Variants in KIAA0319L observed in about 807,000 individuals in gnomAD.
KIAA0319L encodes KIAA0319 like.
In KIAA0319L, 55 loss-of-function variants were observed where a neutral mutation model predicts 120.1. That is an observed-to-expected ratio of 0.46 (90% CI 0.37 to 0.57). The LOEUF (loss-of-function observed/expected upper bound fraction) is 0.57, where lower values mean the gene tolerates loss of function less well. KIAA0319L is among the 20% of genes least tolerant of loss of function. The pLI, the probability that KIAA0319L is intolerant of heterozygous loss-of-function variation, is 0.00. For missense variants in KIAA0319L, 1,049 were observed against 1,255.3 expected, an observed-to-expected ratio of 0.84 and a Z score of 2.48; for synonymous variants, 398 against 471.9, an observed-to-expected ratio of 0.84 and a Z score of 2.03.
chr1:35,466,690 A>G lies in KIAA0319L; in HGVS notation c.1119T>C (p.Thr373=). The G allele has an allele frequency of 1.9e-6, 3 of 1,606,964 alleles. No homozygotes were observed. Among genetic ancestry groups the G allele is most frequent in the East Asian group, 2.2e-5 (1 of 44,860 alleles). The stretch of plus-strand genomic sequence containing the variant: ...TCACTTTGAATTCATACAGGCCTGG[A>G]GTGAGCTGCAGAAGTGAGAGAAGAT... ...HSQILKLSKL[T]PGLYEFKVIV... The change falls in exon 7 of 21, where the codon ACT becomes ACC. Residue 373 remains threonine (T), a synonymous_variant. Transcript: ENST00000325722.
At chr1:35,473,958 A>T (rs1258984216) in intron 5 of KIAA0319L, among the ~76,000 whole-genome samples, 1 of 152,254 alleles carries the variant, frequency 6.6e-6, no homozygotes, top group Admixed American at 6.5e-5. Context: ...AAACTTTGGT[A>T]TATTAACACA....
At chr1:35,455,992 A>T (rs770850198) in intron 10 of KIAA0319L, 21 bp downstream of exon 10, 68 of 1,571,270 alleles carry the variant, frequency 4.3e-5, no homozygotes, top group Non-Finnish European at 5.9e-5. Context: ...GCAAGAAAAA[A>T]TAGGAACCAT....
At chr1:35,557,465 C>T (rs1210237978), upstream of KIAA0319L, 1 of 353,846 alleles carries the variant, frequency 2.8e-6, no homozygotes, top group Non-Finnish European at 5.6e-6. Flanking sequence ...TAACCAAGCC[C>T]TCCCGCCCCT....
chr1:35,483,643 CTAGA>C (rs1644259224), intron 3 of KIAA0319L, among the ~76,000 whole-genome samples: 2 of 152,282 alleles, frequency 1.3e-5, no homozygotes, highest in African/African-American at 4.8e-5. Flanking sequence ...AGTCTTCTAG[CTAGA>C]TAGTTTAAGT....
chr1:35,527,111 T>G (rs1646178214), intron 2 of KIAA0319L, among the ~76,000 whole-genome samples: 1 of 152,172 alleles, frequency 6.6e-6, no homozygotes, highest in Non-Finnish European at 1.5e-5. Flanking sequence ...GGTTGTTGAA[T>G]TTTATAAGTT....
rs1339010568 is a variant in KIAA0319L, at chr1:35,506,827, G to T, written c.451C>A (p.Leu151Ile). 1.9e-6 allele frequency: 3 copies of T among 1,614,074 alleles called. No homozygotes were observed. The highest frequency in any genetic ancestry group is 2.5e-6 in the Non-Finnish European group (3 of 1,180,036). ...GFLPEDDVPHLLGLGWNWASW... is the reference protein window; with the variant it reads ...GFLPEDDVPHILGLGWNWASW... Reference sequence around the variant, plus strand: ...GCCCAGTTCCAACCTAGCCCCAGAAGATGTGGTACATCATCTTCAGGTAGA... The same window carrying T: ...GCCCAGTTCCAACCTAGCCCCAGAATATGTGGTACATCATCTTCAGGTAGA... The change falls in exon 3 of 21, where the codon CTT (leucine) becomes ATT (isoleucine). Residue 151 changes from leucine to isoleucine, a missense_variant. Coordinates refer to ENST00000325722, the MANE Select transcript of KIAA0319L (RefSeq NM_024874.5). The surrounding 1 kb of genome is among the most constrained non-coding windows in gnomAD (Gnocchi z 4.0).
chr1:35,519,325 T>C (rs532498287), intron 2 of KIAA0319L, among the ~76,000 whole-genome samples: 1 of 152,036 alleles, frequency 6.6e-6, no homozygotes, highest in Non-Finnish European at 1.5e-5. Context: ...AAAAATAAAA[T>C]AAAAGTGATT....
At chr1:35,517,538 C>T (rs1645735874) in intron 2 of KIAA0319L, among the ~76,000 whole-genome samples, 1 of 152,294 alleles carries the variant, frequency 6.6e-6, no homozygotes, top group African/African-American at 2.4e-5. Context: ...GGACCCCTTC[C>T]TTATACCATA....
chr1:35,552,778 A>G (rs867499107), intron 2 of KIAA0319L, among the ~76,000 whole-genome samples: 29 of 151,806 alleles, frequency 1.9e-4, no homozygotes, highest in Admixed American at 7.2e-4. Flanking sequence ...AAAATGTACA[A>G]ATTAGCCAGG....
chr1:35,513,288 A>ATATTTTTTTTTTTTTTTT (rs1414704674), intron 2 of KIAA0319L, among the ~76,000 whole-genome samples: 1 of 85,338 alleles, frequency 1.2e-5, no homozygotes, highest in Admixed American at 1.4e-4. Flanking sequence ...ATATATATAT[A>ATATTTTTTTTTTTTTTTT]TTTTTTTTTT....
intron 2 of KIAA0319L, among the ~76,000 whole-genome samples, chr1:35,521,611 G>C (rs1645917552): frequency 6.6e-6 from 1 of 151,308 alleles, no homozygotes. Context: ...TCCAGCCTGG[G>C]TGACGGAGAG....
intron 3 of KIAA0319L, among the ~76,000 whole-genome samples, chr1:35,503,710 C>T (rs998826124): frequency 4.6e-5 from 7 of 152,100 alleles, no homozygotes; most frequent in Non-Finnish European, 5.9e-5. Flanking sequence ...TTAAACAACA[C>T]AGGCTTGAAC....
intron 2 of KIAA0319L, among the ~76,000 whole-genome samples, chr1:35,544,767 T>C (rs1162489124): frequency 6.6e-6 from 1 of 152,168 alleles, no homozygotes; most frequent in African/African-American, 2.4e-5. Context: ...GAAGCCATAA[T>C]GGAGTAGCTG....
At chr1:35,482,366 G>A (rs1644208253) in intron 3 of KIAA0319L, among the ~76,000 whole-genome samples, 1 of 150,276 alleles carries the variant, frequency 6.7e-6, no homozygotes, top group South Asian at 2.1e-4. Context: ...ATAGATGAAC[G>A]TTTGGGTTTA....
intron 2 of KIAA0319L, among the ~76,000 whole-genome samples, chr1:35,519,273 A>G (rs1261375777): frequency 6.6e-6 from 1 of 152,228 alleles, no homozygotes; most frequent in Non-Finnish European, 1.5e-5. Context: ...TAGAAAGAAC[A>G]TGGTAAGAAT....
rs192365960 is a variant in KIAA0319L, at chr1:35,435,035, G to A, written c.3009C>T (p.Ser1003=). 6.3e-5 allele frequency: 102 copies of A among 1,614,200 alleles called. No homozygotes were observed. Among genetic ancestry groups the A allele is most frequent in the East Asian group, 4.0e-4 (18 of 44,878 alleles). ...CATCATCGCTGTCCAGCTCTGACTC[G>A]GAGTGCATCAGGCTGCTACTTAGCA... ...GLLLSSSLMH[S]ESELDSDDAI... is the part of the protein sequence containing the mutation. Residue 1003 remains serine (S), a synonymous_variant, in exon 21 of 21, where the codon TCC becomes TCT. Coordinates refer to ENST00000325722, the MANE Select transcript of KIAA0319L (RefSeq NM_024874.5).
intron 2 of KIAA0319L, chr1:35,532,949 C>G (rs1218944266): frequency 1.3e-5 from 2 of 152,104 alleles, no homozygotes; most frequent in Non-Finnish European, 2.9e-5. Flanking sequence ...AAACAGGAGG[C>G]TCTGGAACTA....
At position 35,531,976 on chromosome 1, in the gene KIAA0319L, G is replaced by A. The variant is rs559729791; in HGVS notation, c.142+22374C>T. 8.5e-5 allele frequency among the ~76,000 whole-genome samples: 13 copies of A among 152,262 alleles called. No homozygotes were observed. In the East Asian group the frequency reaches 1.7e-3, roughly 20 times the overall value. ...CAATGGTTTCCAATAAGAGGAAGAG[G>A]TAGGCCTGGCGCGGTTGCTCAGACC... On this transcript the variant is annotated intron_variant, in intron 2 of 20. Coordinates refer to ENST00000325722, the MANE Select transcript of KIAA0319L (RefSeq NM_024874.5).
chr1:35,443,598 G>C (rs1309544530), intron 17 of KIAA0319L, among the ~76,000 whole-genome samples: 1 of 151,958 alleles, frequency 6.6e-6, no homozygotes, highest in African/African-American at 2.4e-5. Context: ...CTTGAACCCG[G>C]GGGGGCGGAG....
Sources: gnomAD v4.1 joint callset for allele counts (sites outside exome capture counted in the v4.1 genomes callset) on GRCh38, gnomAD v4.1.1 for gene constraint, Gnocchi (gnomAD v3.1) non-coding constraint, MANE v1.5 for transcripts, NCBI Gene and HGNC (gene_info 2026-07-23, HGNC 2026-07-21) for gene names.